Variants in MTF1 observed in about 807,000 individuals in gnomAD.
The protein encoded by MTF1 is MRE-binding transcription factor.
MTF1 carries 22 observed loss-of-function variants against 70.4 expected under a neutral mutation model. The ratio of observed to expected loss-of-function variants is 0.31; its 90% CI spans 0.22 to 0.45. The LOEUF (loss-of-function observed/expected upper bound fraction) is 0.45, where lower values mean the gene tolerates loss of function less well. Among genes scored for constraint, MTF1 ranks in the 20% least tolerant of loss-of-function variants. The pLI is 1.00. For missense variants in MTF1, 649 were observed against 922.0 expected, an observed-to-expected ratio of 0.70 and a Z score of 3.83; for synonymous variants, 333 against 352.8, an observed-to-expected ratio of 0.94 and a Z score of 0.63.
rs1640808104 is a variant in MTF1 at position 37,815,582 on chromosome 1, G to A, written c.1832-16C>T. On this transcript the variant is annotated splice_polypyrimidine_tract_variant and intron_variant, in intron 10 of 10. Transcript: ENST00000373036. The surrounding 1 kb of genome is among the most constrained non-coding windows in gnomAD (Gnocchi z 4.5). ...ACAGAGCTCCCTGCGAGAGAGGCAA[G>A]AGAGACTGCTCTTCAAGTAGCTGCA... is the stretch of plus-strand genomic sequence containing the variant. 7 of 1,518,106 alleles carry A rather than the reference G, an allele frequency of 4.6e-6. No homozygotes were observed. Among genetic ancestry groups the A allele is most frequent in the South Asian group, 1.3e-5 (1 of 74,598 alleles). 94.0% of individuals were successfully genotyped at this position (1,518,106 alleles called of 1,614,324 possible).
At chr1:37,834,676 T>A (rs1242330852) in intron 6 of MTF1, 1 of 459,748 alleles carries the variant, frequency 2.2e-6, no homozygotes, top group Non-Finnish European at 4.4e-6. Context: ...AACAGTAGAC[T>A]GAATGAAGTA....
At chr1:37,850,885 G>C (rs1641408690) in intron 2 of MTF1, among the ~76,000 whole-genome samples, 1 of 151,946 alleles carries the variant, frequency 6.6e-6, no homozygotes. Flanking sequence ...AGACCAACTA[G>C]TTATCAAATG....
chr1:37,857,108 C>A, intron 2 of MTF1, 143 bp downstream of exon 2: 3 of 724,844 alleles, frequency 4.1e-6, no homozygotes, highest in Admixed American at 5.9e-5. Context: ...CACAACAAAA[C>A]CTGAGGCATA....
Position 37,845,661 on chromosome 1 carries a change from C to A in MTF1, c.409-5503G>T, listed in dbSNP as rs545050305. 6.6e-4 allele frequency among the ~76,000 whole-genome samples: 101 copies of A among 152,218 alleles called. 2 individuals carry two copies. In the South Asian group the frequency reaches 0.02, roughly 30 times the overall value. ...CTGGGACTATAGGTATGTACCACCA[C>A]GCCTGGCTAATTTTTGTATTTTTTG... On this transcript the variant is annotated intron_variant, in intron 2 of 10. Transcript: ENST00000373036.
intron 5 of MTF1, 75 bp downstream of exon 5, chr1:37,835,596 C>T: frequency 1.9e-6 from 2 of 1,069,744 alleles, no homozygotes; most frequent in South Asian, 2.6e-5. Flanking sequence ...CTCTGTATAT[C>T]CACCTAGCTC....
intron 7 of MTF1, among the ~76,000 whole-genome samples, chr1:37,825,335 C>T (rs1382826134): frequency 6.6e-6 from 1 of 152,104 alleles, no homozygotes; most frequent in Non-Finnish European, 1.5e-5. Flanking sequence ...CTCCCGGGCT[C>T]AAGTGATCCT....
intron 6 of MTF1, 133 bp downstream of exon 6, chr1:37,834,946 A>G: frequency 1.1e-6 from 1 of 907,624 alleles, no homozygotes; most frequent in South Asian, 1.6e-5. Context: ...AAGTCAAGAC[A>G]CTGATCTTGA....
At chr1:37,844,648 G>C (rs1641306946) in intron 2 of MTF1, among the ~76,000 whole-genome samples, 1 of 152,168 alleles carries the variant, frequency 6.6e-6, no homozygotes, top group Non-Finnish European at 1.5e-5. Context: ...TTACAACAAT[G>C]CTGAATGATA....
chr1:37,853,409 A>G (rs998159571), intron 2 of MTF1, among the ~76,000 whole-genome samples: 1 of 152,238 alleles, frequency 6.6e-6, no homozygotes, highest in Non-Finnish European at 1.5e-5. Flanking sequence ...CTGTTTTTGT[A>G]AAGTCTTATC....
Position 37,814,579 on chromosome 1 carries a change from G to A in MTF1, c.*557C>T, listed in dbSNP as rs1467027413. 6.3e-6 allele frequency: 1 copy of A among 158,540 alleles called. No homozygotes were observed. Among genetic ancestry groups the A allele is most frequent in the Non-Finnish European group, 1.4e-5 (1 of 71,834 alleles). 9.8% of individuals were successfully genotyped at this position (158,540 alleles called of 1,614,324 possible). A position where few individuals can be genotyped will look rare whatever the true frequency, so the allele number is the denominator to read the frequency against. ...CCACCCTGAGCACCACCAACACTAA[G>A]CACAAATGACAACACCATCTCACCT... On this transcript the variant is annotated 3_prime_UTR_variant, in exon 11 of 11. Coordinates refer to ENST00000373036, the MANE Select transcript of MTF1 (RefSeq NM_005955.3).
intron 7 of MTF1, among the ~76,000 whole-genome samples, chr1:37,827,850 C>T (rs1641028046): frequency 1.3e-5 from 2 of 152,052 alleles, no homozygotes. Flanking sequence ...TTACTTTTGA[C>T]CAACCTAATA....
chr1:37,815,383 T>C lies in MTF1; in HGVS notation c.2015A>G (p.Gln672Arg), dbSNP rs1640799781. 3.7e-6 allele frequency: 6 copies of C among 1,613,984 alleles called. No homozygotes were observed. The highest frequency in any genetic ancestry group is 5.1e-6 in the Non-Finnish European group (6 of 1,180,014). The change falls in exon 11 of 11, where the codon CAG (glutamine) becomes CGG (arginine). Residue 672 changes from glutamine (Q) to arginine (R), a missense_variant. Coordinates refer to ENST00000373036, the MANE Select transcript of MTF1 (RefSeq NM_005955.3). The surrounding 1 kb of genome is among the most constrained non-coding windows in gnomAD (Gnocchi z 4.5). The stretch of plus-strand genomic sequence containing the variant: ...TGAAGAGAAAGTCTGCGCTGGGAGC[T>C]GCAGGCTGGGCCCATCAGGAGCCTG... ...SPQAPDGPSL[Q>R]LPAQTFSSAP... is the part of the protein sequence containing the mutation.
At chr1:37,829,337 T>C (rs1471396645) in intron 7 of MTF1, among the ~76,000 whole-genome samples, 1 of 152,030 alleles carries the variant, frequency 6.6e-6, no homozygotes, top group Admixed American at 6.6e-5. Context: ...CAGCTAATAT[T>C]TTATTTTTAC....
At position 37,815,489 on chromosome 1, in the gene MTF1, C is replaced by CATACTG; in HGVS notation, c.1908_1909insCAGTAT (p.Cys636_Ala637insGlnTyr). The CATACTG allele has an allele frequency of 6.3e-7, 1 of 1,574,942 alleles. No individual in the cohort carries two copies. On this transcript the variant is annotated inframe_insertion, in exon 11 of 11. Transcript: ENST00000373036. This position sits in a 1 kb window ranked among gnomAD's most constrained non-coding sequence, Gnocchi z 4.5. ...CGCTCCTTTGCAGAGTCCCGGCATG[C>CATACTG]ACACTGACACTGACATGCCTCTTCT...
chr1:37,857,236 G>A lies in MTF1; in HGVS notation c.408+15C>T. ...CCCAAAACCAAACTAGGCCCTCACT[G>A]ACTGCTTTACTTACTTCTTTACGTT... On this transcript the variant is annotated intron_variant, in intron 2 of 10. Coordinates refer to ENST00000373036, the MANE Select transcript of MTF1 (RefSeq NM_005955.3). 6.3e-7 allele frequency: 1 copy of A among 1,599,406 alleles called. No homozygotes were observed. Among genetic ancestry groups the A allele is most frequent in the Non-Finnish European group, 8.6e-7 (1 of 1,168,636 alleles).
chr1:37,840,575 A>C lies in MTF1; in HGVS notation c.409-417T>G. On this transcript the variant is annotated intron_variant, in intron 2 of 10. Transcript: ENST00000373036. The surrounding 1 kb of genome is among the most constrained non-coding windows in gnomAD (Gnocchi z 4.5). ...ACCAATATTAAATTGAGTTTAAAAC[A>C]TCTGGAAATTTACATACTTAATCAT... 1 of 442,504 alleles carries C rather than the reference A, an allele frequency of 2.3e-6. No homozygotes were observed. Among genetic ancestry groups the C allele is most frequent in the Admixed American group, 2.6e-5 (1 of 38,120 alleles). The allele number at this position is 442,504 out of a possible 1,614,324, so 27.4% of individuals were successfully genotyped here.
chr1:37,838,797 C>CTT (rs746478428), intron 3 of MTF1, 41 bp from the exon 4 acceptor site: 15,605 of 469,226 alleles, frequency 0.033, 135 homozygotes, highest in East Asian at 0.036. Flanking sequence ...TCATAAAATT[C>CTT]TTTTTTTTTT....
In MTF1 at chr1:37,815,705, C is replaced by G. The variant is rs561430822; in HGVS notation, c.1832-139G>C. The G allele has an allele frequency of 3.2e-6, 2 of 622,114 alleles. No individual in the cohort carries two copies. The highest frequency in any genetic ancestry group is 4.0e-4 in the Middle Eastern group (1 of 2,528). The allele number at this position is 622,114 out of a possible 1,614,324, so 38.5% of individuals were successfully genotyped here. A position where few individuals can be genotyped will look rare whatever the true frequency, so the allele number is the denominator to read the frequency against. On this transcript the variant is annotated intron_variant, in intron 10 of 10. Coordinates refer to ENST00000373036, the MANE Select transcript of MTF1 (RefSeq NM_005955.3). This position sits in a 1 kb window ranked among gnomAD's most constrained non-coding sequence, Gnocchi z 4.5. Reference sequence around the variant, plus strand: ...TGGTTGCCACACTTCGGGCTTCGTTCTGCTTTAAATTGGACCACATGCCCT... The same window carrying G: ...TGGTTGCCACACTTCGGGCTTCGTTGTGCTTTAAATTGGACCACATGCCCT...
Position 37,840,970 on chromosome 1 carries a change from T to A in MTF1, c.409-812A>T, listed in dbSNP as rs148759471. ...GCCATGGAGCTCTCAGAGGCAAGGCTGAGAACAAGGAGTGGATGCCCATCA... is the reference window on the plus strand; with the variant it reads ...GCCATGGAGCTCTCAGAGGCAAGGCAGAGAACAAGGAGTGGATGCCCATCA... On this transcript the variant is annotated intron_variant, in intron 2 of 10. Transcript: ENST00000373036. This position sits in a 1 kb window ranked among gnomAD's most constrained non-coding sequence, Gnocchi z 4.5. 2 of 221,212 alleles carry A rather than the reference T, an allele frequency of 9.0e-6. No individual in the cohort carries two copies. Among genetic ancestry groups the A allele is most frequent in the African/African-American group, 4.8e-5 (2 of 42,044 alleles). The allele number at this position is 221,212 out of a possible 1,614,324, so 13.7% of individuals were successfully genotyped here. A position where few individuals can be genotyped will look rare whatever the true frequency, so the allele number is the denominator to read the frequency against.
Sources: allele counts gnomAD v4.1 joint callset (sites outside exome capture counted in the v4.1 genomes callset), GRCh38; gene constraint gnomAD v4.1.1; non-coding constraint Gnocchi (gnomAD v3.1); transcripts MANE v1.5; gene names NCBI Gene and HGNC (gene_info 2026-07-23, HGNC 2026-07-21).